Variants in TFCP2L1 observed in about 807,000 individuals in gnomAD.
TFCP2L1 encodes transcription factor CP2-like protein 1.
In TFCP2L1, 12 loss-of-function variants were observed where a neutral mutation model predicts 72.2. That is an observed-to-expected ratio of 0.17 (90% confidence interval 0.11 to 0.27). The LOEUF is 0.27. Among genes scored for constraint, TFCP2L1 ranks in the 10% least tolerant of loss-of-function variants. The pLI, the probability that TFCP2L1 is intolerant of heterozygous loss-of-function variation, is 1.00. For missense variants in TFCP2L1, 488 were observed against 624.6 expected, an observed-to-expected ratio of 0.78 and a Z score of 2.33; for synonymous variants, 260 against 251.0, an observed-to-expected ratio of 1.04 and a Z score of -0.34.
At chr2:121,246,126 C>T (rs933433881) in intron 6 of TFCP2L1, among the ~76,000 whole-genome samples, 3 of 152,160 alleles carry the variant, frequency 2.0e-5, no homozygotes, top group African/African-American at 7.2e-5. Context: ...GGGGCTGGGG[C>T]CTGCTTGGAC....
intron 2 of TFCP2L1, among the ~76,000 whole-genome samples, chr2:121,259,334 C>T (rs926871439): frequency 6.6e-6 from 1 of 151,664 alleles, no homozygotes; most frequent in African/African-American, 2.4e-5. Flanking sequence ...AAATATTCAG[C>T]GAGGAAAAAA....
chr2:121,235,360 G>A (rs1201039552), intron 10 of TFCP2L1, 49 bp from the exon 11 acceptor site: 7 of 1,601,066 alleles, frequency 4.4e-6, no homozygotes, highest in Middle Eastern at 1.7e-4. Context: ...CCCAGAGAAA[G>A]GGCTCGGTCC....
Position 121,264,354 on chromosome 2 carries a change from C to G in TFCP2L1, c.215-14707G>C, listed in dbSNP as rs139331192. Among the ~76,000 whole-genome samples, 753 of 152,350 alleles carry G rather than the reference C, an allele frequency of 4.9e-3. 2 individuals carry two copies. Among genetic ancestry groups the G allele is most frequent in the Non-Finnish European group, 8.3e-3 (566 of 68,026 alleles). On this transcript the variant is annotated intron_variant, in intron 2 of 14. Coordinates refer to ENST00000263707, the MANE Select transcript of TFCP2L1 (RefSeq NM_014553.3). Reference sequence around the variant, plus strand: ...CATACCCAGGGTATCTAAGGACCCTCTCTGAGACTGCTCCTCTATTCCCAG... The same window carrying G: ...CATACCCAGGGTATCTAAGGACCCTGTCTGAGACTGCTCCTCTATTCCCAG...
At position 121,281,113 on chromosome 2, in the gene TFCP2L1, C is replaced by T. The variant is rs775878132; in HGVS notation, c.214+7G>A. The stretch of plus-strand genomic sequence containing the variant: ...TTCCGCCCTGGCCCGGGGCCTCTGG[C>T]CACTACCTTGGTTGAGGTAGGTCAG... On this transcript the variant is annotated splice_region_variant and intron_variant, in intron 2 of 14. Transcript: ENST00000263707. The T allele has an allele frequency of 1.9e-6, 3 of 1,614,028 alleles. No individual in the cohort carries two copies. Among genetic ancestry groups the T allele is most frequent in the Non-Finnish European group, 2.5e-6 (3 of 1,180,030 alleles).
intron 13 of TFCP2L1, among the ~76,000 whole-genome samples, chr2:121,229,355 C>T (rs1253351586): frequency 2.0e-5 from 3 of 152,158 alleles, no homozygotes; most frequent in African/African-American, 7.2e-5. Context: ...GCTTTTTTCA[C>T]ATCTACCTTC....
intron 2 of TFCP2L1, among the ~76,000 whole-genome samples, chr2:121,274,129 A>G (rs1045676758): frequency 2.0e-5 from 3 of 151,904 alleles, no homozygotes; most frequent in African/African-American, 7.3e-5. Context: ...AACCAATTGT[A>G]TCAATGCCTT....
intron 2 of TFCP2L1, among the ~76,000 whole-genome samples, chr2:121,273,006 G>A (rs1376681633): frequency 6.6e-6 from 1 of 152,072 alleles, no homozygotes; most frequent in African/African-American, 2.4e-5. Context: ...TAGGATTCCT[G>A]GGATAGACAG....
At chr2:121,270,349 G>A (rs1223452315) in intron 2 of TFCP2L1, among the ~76,000 whole-genome samples, 1 of 152,170 alleles carries the variant, frequency 6.6e-6, no homozygotes, top group African/African-American at 2.4e-5. Context: ...TAAGGGAGGA[G>A]AAAATAAACA....
chr2:121,261,598 G>C (rs1393173965), intron 2 of TFCP2L1, among the ~76,000 whole-genome samples: 2 of 152,134 alleles, frequency 1.3e-5, no homozygotes, highest in African/African-American at 4.8e-5. Context: ...GGTAGAGAAG[G>C]AAAAACTCTT....
intron 12 of TFCP2L1, among the ~76,000 whole-genome samples, chr2:121,233,529 C>G (rs1260407784): frequency 6.6e-6 from 1 of 152,174 alleles, no homozygotes; most frequent in African/African-American, 2.4e-5. Flanking sequence ...AACTCCTGGG[C>G]ACAAGCAATC....
chr2:121,245,183 C>T (rs185351647), intron 6 of TFCP2L1, among the ~76,000 whole-genome samples: 2 of 152,138 alleles, frequency 1.3e-5, no homozygotes, highest in African/African-American at 4.8e-5. Context: ...GAGGTTGGGG[C>T]CGCCATGTGA....
rs895507214 is a variant in TFCP2L1, at chr2:121,249,701, G to C, written c.215-54C>G. 5.7e-6 allele frequency: 9 copies of C among 1,585,272 alleles called. No individual in the cohort carries two copies. The East Asian group carries it at 1.8e-4, about 31-fold the overall frequency. Reference sequence around the variant, plus strand: ...ATTTCTGAGTATTTCTAAATTTGGGGTTCATTCAGCTAGCAGCCTTCTCAA... The same window carrying C: ...ATTTCTGAGTATTTCTAAATTTGGGCTTCATTCAGCTAGCAGCCTTCTCAA... On this transcript the variant is annotated intron_variant, in intron 2 of 14. Coordinates refer to ENST00000263707, the MANE Select transcript of TFCP2L1 (RefSeq NM_014553.3).
In TFCP2L1 at chr2:121,256,817, G is replaced by A. The variant is rs540765182; in HGVS notation, c.215-7170C>T. Among the ~76,000 whole-genome samples, 180 of 151,716 alleles carry A rather than the reference G, an allele frequency of 1.2e-3. 1 individual carries two copies. The highest frequency in any genetic ancestry group is 4.0e-3 in the African/African-American group (165 of 41,370). ...CAAAAATACAAAAAATTACCCGGGCGTGGTGGTGGGTGCCTGTAATCCCAG... is the reference window on the plus strand; with the variant it reads ...CAAAAATACAAAAAATTACCCGGGCATGGTGGTGGGTGCCTGTAATCCCAG... On this transcript the variant is annotated intron_variant, in intron 2 of 14. Transcript: ENST00000263707.
At chr2:121,273,963 G>T (rs899319965) in intron 2 of TFCP2L1, among the ~76,000 whole-genome samples, 1 of 151,944 alleles carries the variant, frequency 6.6e-6, no homozygotes, top group Non-Finnish European at 1.5e-5. Context: ...GCGTGGTAGT[G>T]GGCGCCTGTA....
Position 121,218,286 on chromosome 2 carries a change from A to G in TFCP2L1, c.*6055T>C, listed in dbSNP as rs1685869243. On this transcript the variant is annotated 3_prime_UTR_variant, in exon 15 of 15. Transcript: ENST00000263707. The stretch of plus-strand genomic sequence containing the variant: ...TTTGGTAAATACATGTCTACTAAAA[A>G]TAAGAATTTTTTTTTTTGTGATGGG... 1 of 152,132 alleles carries G rather than the reference A, an allele frequency of 6.6e-6. No individual in the cohort carries two copies. The highest frequency in any genetic ancestry group is 2.1e-4 in the South Asian group (1 of 4,836). The allele number at this position is 152,132 out of a possible 1,614,324, so 9.4% of individuals were successfully genotyped here.
At chr2:121,238,664 T>TG (rs1558731060) in intron 8 of TFCP2L1, among the ~76,000 whole-genome samples, 1 of 152,102 alleles carries the variant, frequency 6.6e-6, no homozygotes, top group East Asian at 1.9e-4. Context: ...ATCGTACACT[T>TG]GTTCCTCCCG....
rs1246490830 is a variant in TFCP2L1, at chr2:121,224,482, C to T, written c.1394-95G>A. On this transcript the variant is annotated intron_variant, in intron 14 of 14. Coordinates refer to ENST00000263707, the MANE Select transcript of TFCP2L1 (RefSeq NM_014553.3). ...AAAAGGCACGCTGTTAGGGTATCAG[C>T]AAAGACCACCAAAATAGGGCTGCAT... 3 of 1,251,056 alleles carry T rather than the reference C, an allele frequency of 2.4e-6. No homozygotes were observed. The African/African-American group carries it at 4.4e-5, about 18-fold the overall frequency. 77.5% of individuals were successfully genotyped at this position (1,251,056 alleles called of 1,614,324 possible).
At chr2:121,269,656 T>C (rs908542300) in intron 2 of TFCP2L1, among the ~76,000 whole-genome samples, 3 of 151,980 alleles carry the variant, frequency 2.0e-5, no homozygotes, top group African/African-American at 7.3e-5. Flanking sequence ...CTCATGCCTG[T>C]AATCCCAGCA....
intron 2 of TFCP2L1, among the ~76,000 whole-genome samples, chr2:121,258,369 T>A (rs1421141808): frequency 6.6e-6 from 1 of 152,110 alleles, no homozygotes; most frequent in Non-Finnish European, 1.5e-5. Context: ...GCTTAGGCGC[T>A]AAAAAATCTG....
Sources: allele counts gnomAD v4.1 joint callset (sites outside exome capture counted in the v4.1 genomes callset), GRCh38; gene constraint gnomAD v4.1.1; transcripts MANE v1.5; gene names NCBI Gene and HGNC (gene_info 2026-07-23, HGNC 2026-07-21).